TOX2: variants seen among roughly 807,000 people sequenced by gnomAD.
The protein encoded by TOX2 is granulosa cell HMG box 1.
Under a neutral mutation model 47.4 loss-of-function variants are expected in TOX2, and 15 were observed. The observed-to-expected ratio is 0.32, with a 90% confidence interval of 0.21 to 0.49. The LOEUF (loss-of-function observed/expected upper bound fraction) is 0.49. TOX2 is among the 20% of genes least tolerant of loss of function. The pLI is 0.99. For missense variants in TOX2, 622 were observed against 673.1 expected (o/e 0.92, Z 0.84); for synonymous variants, 290 against 296.6 (o/e 0.98, Z 0.23).
chr20:43,915,124 T>A lies in TOX2; in HGVS notation c.99+134T>A. The A allele has an allele frequency of 2.4e-6, 1 of 421,324 alleles. No homozygotes were observed. Among genetic ancestry groups the A allele is most frequent in the Non-Finnish European group, 3.4e-6 (1 of 294,800 alleles). The allele number at this position is 421,324 out of a possible 1,614,324, so 26.1% of individuals were successfully genotyped here. A position where few individuals can be genotyped will look rare whatever the true frequency, so the allele number is the denominator to read the frequency against. ...GACGGGCACGGGCGGCTCACATCGATCCCCTCGCGGCCACGCTCACGCCCT... is the reference window on the plus strand; with the variant it reads ...GACGGGCACGGGCGGCTCACATCGAACCCCTCGCGGCCACGCTCACGCCCT... On this transcript the variant is annotated intron_variant, in intron 1 of 8. Transcript: ENST00000341197. This position sits in a 1 kb window ranked among gnomAD's most constrained non-coding sequence, Gnocchi z 7.1.
At chr20:44,056,579 C>T (rs2071622457) in intron 5 of TOX2, among the ~76,000 whole-genome samples, 2 of 152,182 alleles carry the variant, frequency 1.3e-5, no homozygotes, top group Non-Finnish European at 2.9e-5. Context: ...GCCCCTGTGT[C>T]GGTTTCATTT....
At chr20:43,951,707 G>GGT (rs745489872) in intron 1 of TOX2, among the ~76,000 whole-genome samples, 22 of 55,096 alleles carry the variant, frequency 4.0e-4, no homozygotes, top group African/African-American at 1.2e-3. Flanking sequence ...AACTTATTAT[G>GGT]TTTTTTTTTT....
chr20:44,007,192 G>A (rs1173594499), intron 3 of TOX2: 1 of 193,574 alleles, frequency 5.2e-6, no homozygotes, highest in Admixed American at 5.3e-5. Flanking sequence ...ACAGAGTTGT[G>A]TGACCATTAA....
intron 3 of TOX2, among the ~76,000 whole-genome samples, chr20:44,022,967 AGATATGTAAGAG>A (rs1216845452): frequency 6.6e-6 from 1 of 151,150 alleles, no homozygotes; most frequent in Non-Finnish European, 1.5e-5. Context: ...AGACGGGATT[AGATATGTAAGAG>A]GAGAGAGAGA....
chr20:44,061,666 G>GC (rs2071720906), intron 5 of TOX2, among the ~76,000 whole-genome samples: 2 of 152,072 alleles, frequency 1.3e-5, no homozygotes, highest in Admixed American at 6.5e-5. Flanking sequence ...TAAAGAGGAA[G>GC]TCAAAGTGTT....
intron 5 of TOX2, among the ~76,000 whole-genome samples, chr20:44,057,479 GAGAAAATAAT>G (rs1476275532): frequency 6.6e-5 from 10 of 151,712 alleles, no homozygotes; most frequent in African/African-American, 2.2e-4. Context: ...GAGAGGTAGT[GAGAAAATAAT>G]AGGAAATAAA....
chr20:44,028,649 C>T (rs925895260), intron 3 of TOX2, among the ~76,000 whole-genome samples: 22 of 151,894 alleles, frequency 1.4e-4, no homozygotes, highest in South Asian at 6.2e-4. Flanking sequence ...CAGACAAAGA[C>T]GCAAAGGAGT....
At chr20:43,976,782 G>GCGCGCACACA (rs1555835309) in intron 2 of TOX2, among the ~76,000 whole-genome samples, 128 of 146,538 alleles carry the variant, frequency 8.7e-4, no homozygotes, top group Middle Eastern at 3.4e-3. Flanking sequence ...GAGCGCGCGC[G>GCGCGCACACA]CACACACACA....
At chr20:43,927,622 TTCCTC>T (rs2069187707) in intron 1 of TOX2, among the ~76,000 whole-genome samples, 1 of 80,772 alleles carries the variant, frequency 1.2e-5, no homozygotes, top group African/African-American at 8.8e-5. Flanking sequence ...CCTTCCTTCC[TTCCTC>T]CTTCCTTCCT....
intron 3 of TOX2, among the ~76,000 whole-genome samples, chr20:44,040,910 T>A (rs567277288): frequency 6.6e-6 from 1 of 151,944 alleles, no homozygotes; most frequent in South Asian, 2.1e-4. Context: ...TTTTAAAAGA[T>A]GGGAGAGGAG....
At position 43,978,042 on chromosome 20, in the gene TOX2, G is replaced by A. The variant is rs148379365; in HGVS notation, c.165+4610G>A. ...CCTATCAAATGGGAGGAGTAGCAGC[G>A]TCTGCCTCCTAGAGTGTCATGAGAA... On this transcript the variant is annotated intron_variant, in intron 2 of 8. Transcript: ENST00000341197. Among the ~76,000 whole-genome samples, 129 of 152,274 alleles carry A rather than the reference G, an allele frequency of 8.5e-4. 1 individual carries two copies. Among genetic ancestry groups the A allele is most frequent in the Admixed American group, 2.4e-3 (37 of 15,296 alleles).
chr20:43,974,460 G>T (rs142000760), intron 2 of TOX2, among the ~76,000 whole-genome samples: 25 of 152,340 alleles, frequency 1.6e-4, no homozygotes, highest in Non-Finnish European at 2.5e-4. Flanking sequence ...AGTGGTGCTT[G>T]CTGGGTGGGA....
At chr20:43,983,182 C>A (rs1031309675) in intron 2 of TOX2, among the ~76,000 whole-genome samples, 3 of 152,152 alleles carry the variant, frequency 2.0e-5, no homozygotes, top group African/African-American at 7.2e-5. Flanking sequence ...AGAACGTGTG[C>A]TGGAGTACAG....
At chr20:43,918,138 T>C (rs1389459538) in intron 1 of TOX2, among the ~76,000 whole-genome samples, 1 of 152,196 alleles carries the variant, frequency 6.6e-6, no homozygotes, top group East Asian at 1.9e-4. Flanking sequence ...TTAGGGTAAC[T>C]ATGAACTCCT....
At chr20:44,039,141 T>A (rs1474377678) in intron 3 of TOX2, 2 of 1,257,814 alleles carry the variant, frequency 1.6e-6, no homozygotes, top group South Asian at 2.5e-5. Flanking sequence ...AGGCAACGTG[T>A]GGAGAGCTCT....
At chr20:44,045,425 C>G (rs77945634) in intron 3 of TOX2, among the ~76,000 whole-genome samples, 1 of 152,158 alleles carries the variant, frequency 6.6e-6, no homozygotes, top group Admixed American at 6.5e-5. Flanking sequence ...GACAATGCCC[C>G]GCAGTTCATT....
Position 44,065,969 on chromosome 20 carries a change from G to C in TOX2, c.1218G>C (p.Leu406=). The C allele has an allele frequency of 6.2e-7, 1 of 1,613,366 alleles. No individual in the cohort carries two copies. Among genetic ancestry groups the C allele is most frequent in the South Asian group, 1.1e-5 (1 of 91,034 alleles). Residue 406 remains leucine, a synonymous_variant, in exon 7 of 9, where the codon CTG becomes CTC. Coordinates refer to ENST00000341197, the MANE Select transcript of TOX2 (RefSeq NM_001098797.2). Reference sequence around the variant, plus strand: ...TCAGCCCCACACTGCACCAGCAGCTGTCACTGCCCCCTCACGCCCAGGGCG... The same window carrying C: ...TCAGCCCCACACTGCACCAGCAGCTCTCACTGCCCCCTCACGCCCAGGGCG... The part of the protein sequence containing the change: ...FPLSPTLHQQ[L]SLPPHAQGAL...
At position 44,069,268 on chromosome 20, in the gene TOX2, A is replaced by T; in HGVS notation, c.*582A>T. On this transcript the variant is annotated 3_prime_UTR_variant, in exon 9 of 9. Coordinates refer to ENST00000341197, the MANE Select transcript of TOX2 (RefSeq NM_001098797.2). ...AAAAGCATTTTATATGATCCTTAGC[A>T]CATTTTTAAGTTTTATCTTAAGGGA... is the stretch of plus-strand genomic sequence containing the variant. The T allele has an allele frequency of 4.9e-6, 1 of 204,192 alleles. No homozygotes were observed. Among genetic ancestry groups the T allele is most frequent in the Non-Finnish European group, 1.0e-5 (1 of 97,992 alleles). The allele number at this position is 204,192 out of a possible 1,614,324, so 12.6% of individuals were successfully genotyped here. A position where few individuals can be genotyped will look rare whatever the true frequency, so the allele number is the denominator to read the frequency against.
At chr20:44,015,416 A>G (rs2145631919) in intron 3 of TOX2, among the ~76,000 whole-genome samples, 1 of 152,254 alleles carries the variant, frequency 6.6e-6, no homozygotes, top group Non-Finnish European at 1.5e-5. Flanking sequence ...ACTTCAATAA[A>G]TCATTATGGA....
Sources: allele counts gnomAD v4.1 joint callset (sites outside exome capture counted in the v4.1 genomes callset), GRCh38; gene constraint gnomAD v4.1.1; non-coding constraint Gnocchi (gnomAD v3.1); transcripts MANE v1.5; gene names NCBI Gene and HGNC (gene_info 2026-07-23, HGNC 2026-07-21).